Variants in ZNF219 observed in about 807,000 individuals in gnomAD.
ZNF219 encodes zinc finger protein 219.
In ZNF219, 17 loss-of-function variants were observed where a neutral mutation model predicts 54.4. That is an observed-to-expected ratio of 0.31 (90% confidence interval 0.21 to 0.47). The LOEUF (loss-of-function observed/expected upper bound fraction) is 0.47. Ranked by LOEUF, ZNF219 falls within the 20% of genes least tolerant of loss-of-function variation. The pLI, the probability that ZNF219 is intolerant of heterozygous loss-of-function variation, is 1.00. For synonymous variants in ZNF219, 518 were observed against 476.4 expected (o/e 1.09, Z -1.14); for missense variants, 1,014 against 1,062.3 (o/e 0.95, Z 0.63).
At chr14:21,101,707 T>A, upstream of ZNF219, 1 of 676,632 alleles carries the variant, frequency 1.5e-6, no homozygotes. Context: ...AAAAATTAAA[T>A]GATACTTAAT....
rs757820167 is a variant in ZNF219, at chr14:21,091,980, G to C, written c.1317C>G (p.Thr439=). The part of the protein sequence containing the change: ...EEEVVEAEEE[T]WARGRSLGSL... ...AGCCCAGCGACCTGCCCCGGGCCCA[G>C]GTTTCCTCCTCGGCCTCCACCACCT... Residue 439 remains threonine, a synonymous_variant, in exon 3 of 5, where the codon ACC becomes ACG. Coordinates refer to ENST00000360947, the MANE Select transcript of ZNF219 (RefSeq NM_016423.3). 1.9e-6 allele frequency: 3 copies of C among 1,570,880 alleles called. No homozygotes were observed. The highest frequency in any genetic ancestry group is 4.7e-5 in the East Asian group (2 of 42,576).
rs369882655 is a variant in ZNF219 at position 21,093,594 on chromosome 14, A to G, written c.-3T>C. The G allele has an allele frequency of 6.2e-7, 1 of 1,613,852 alleles. No individual in the cohort carries two copies. Among genetic ancestry groups the G allele is most frequent in the African/African-American group, 1.3e-5 (1 of 74,830 alleles). ...GCCAGAGCTTCACTCACCTCCATGG[A>G]CCCCCTTCACATTCTTTGGTTCTGG... is the stretch of plus-strand genomic sequence containing the variant. On this transcript the variant is annotated 5_prime_UTR_variant, in exon 2 of 5. Coordinates refer to ENST00000360947, the MANE Select transcript of ZNF219 (RefSeq NM_016423.3).
At position 21,093,316 on chromosome 14, in the gene ZNF219, A is replaced by G. The variant is rs768936619; in HGVS notation, c.7-26T>C. On this transcript the variant is annotated intron_variant, in intron 2 of 4. Coordinates refer to ENST00000360947, the MANE Select transcript of ZNF219 (RefSeq NM_016423.3). The stretch of plus-strand genomic sequence containing the variant: ...CTGTGGAGAAAGATCTGCGTAGAGC[A>G]AAGGGTGAAGGTAGAGCTGTAAAGG... The G allele has an allele frequency of 2.0e-4, 316 of 1,550,272 alleles. No individual in the cohort carries two copies. In the Middle Eastern group the frequency reaches 5.2e-3, roughly 25 times the overall value.
At position 21,092,486 on chromosome 14, in the gene ZNF219, G is replaced by C; in HGVS notation, c.811C>G (p.Pro271Ala). Residue 271 changes from proline to alanine, a missense_variant, in exon 3 of 5, where the codon CCT (proline) becomes GCT (alanine). Physicochemically the swap from Pro to Ala is conservative, Grantham distance 27. Transcript: ENST00000360947. Reference protein sequence around the residue: ...APAAPEEPPAPPEFRCQVCGQ... With the variant: ...APAAPEEPPAAPEFRCQVCGQ... ...CACACTTGGCAGCGGAACTCCGGAG[G>C]CGCTGGGGGCTCCTCGGGAGCGGCA... The C allele has an allele frequency of 6.4e-7, 1 of 1,553,130 alleles. No homozygotes were observed. The highest frequency in any genetic ancestry group is 2.4e-5 in the East Asian group (1 of 41,082).
chr14:21,103,124 GTC>G (rs1267686927), upstream of ZNF219: 1 of 1,551,700 alleles, frequency 6.4e-7, no homozygotes, highest in Non-Finnish European at 8.7e-7. Flanking sequence ...GCTCACACCT[GTC>G]TCTGGTTTTC....
chr14:21,090,864 C>T lies in ZNF219; in HGVS notation c.1841G>A (p.Arg614Lys), dbSNP rs1187726203. The change falls in exon 5 of 5, where the codon AGG becomes AAG. Residue 614 changes from arginine to lysine, a missense_variant. Physicochemically the swap from Arg to Lys is conservative, Grantham distance 26. Coordinates refer to ENST00000360947, the MANE Select transcript of ZNF219 (RefSeq NM_016423.3). The surrounding 1 kb of genome is among the most constrained non-coding windows in gnomAD (Gnocchi z 4.4). Reference sequence around the variant, plus strand: ...ACCGCCTCGCCCGTTGCGCAGGGTCCTCCCAGGGCTGGCGGGCTTCCGACG... The same window carrying T: ...ACCGCCTCGCCCGTTGCGCAGGGTCTTCCCAGGGCTGGCGGGCTTCCGACG... ...GSRRKPASPG[R>K]TLRNGRGGEA... The T allele has an allele frequency of 2.6e-6, 4 of 1,554,212 alleles. No individual in the cohort carries two copies. Among genetic ancestry groups the T allele is most frequent in the Non-Finnish European group, 3.5e-6 (4 of 1,150,480 alleles).
intron 1 of ZNF219, among the ~76,000 whole-genome samples, chr14:21,096,594 C>G (rs1206957212): frequency 6.6e-6 from 1 of 152,238 alleles, no homozygotes; most frequent in Non-Finnish European, 1.5e-5. Flanking sequence ...GACAGCAGCA[C>G]TGACCTACTT....
chr14:21,090,510 C>T lies in ZNF219; in HGVS notation c.*26G>A. ...CCCCCGCTCCGGCGGGGTAAGCTCA[C>T]TAAGCTAATCGCCCCTGAGGGCCCA... On this transcript the variant is annotated 3_prime_UTR_variant, in exon 5 of 5. Coordinates refer to ENST00000360947, the MANE Select transcript of ZNF219 (RefSeq NM_016423.3). The surrounding 1 kb of genome is among the most constrained non-coding windows in gnomAD (Gnocchi z 4.4). 1 of 1,566,032 alleles carries T rather than the reference C, an allele frequency of 6.4e-7. No homozygotes were observed.
intron 1 of ZNF219, chr14:21,093,930 TACC>T: frequency 2.3e-6 from 1 of 430,272 alleles, no homozygotes. Context: ...CAACCACAGC[TACC>T]ACCCCACCCC....
intron 1 of ZNF219, among the ~76,000 whole-genome samples, chr14:21,098,087 A>C (rs1483236349): frequency 3.1e-5 from 3 of 95,886 alleles, no homozygotes; most frequent in African/African-American, 8.0e-5. Context: ...GGGGCCCCCC[A>C]GCTCTCCAGG....
chr14:21,090,210 T>G lies in ZNF219; in HGVS notation c.*326A>C. The G allele has an allele frequency of 3.5e-6, 2 of 563,410 alleles. No individual in the cohort carries two copies. The highest frequency in any genetic ancestry group is 6.8e-6 in the Non-Finnish European group (2 of 295,622). 34.9% of individuals were successfully genotyped at this position (563,410 alleles called of 1,614,324 possible). A position where few individuals can be genotyped will look rare whatever the true frequency, so the allele number is the denominator to read the frequency against. ...GTACAGTGCCCCCCACCCTCACCCC[T>G]TGTACAAAAATAAACTCTCACGCCT... On this transcript the variant is annotated 3_prime_UTR_variant, in exon 5 of 5. Coordinates refer to ENST00000360947, the MANE Select transcript of ZNF219 (RefSeq NM_016423.3). This position sits in a 1 kb window ranked among gnomAD's most constrained non-coding sequence, Gnocchi z 4.4.
At position 21,090,870 on chromosome 14, in the gene ZNF219, G is replaced by C. The variant is rs1020369379; in HGVS notation, c.1835C>G (p.Pro612Arg). 5 of 1,552,302 alleles carry C rather than the reference G, an allele frequency of 3.2e-6. No individual in the cohort carries two copies. Among genetic ancestry groups the C allele is most frequent in the African/African-American group, 2.7e-5 (2 of 73,458 alleles). Residue 612 changes from proline to arginine, a missense_variant, in exon 5 of 5, where the codon CCT (proline) becomes CGT (arginine). Around this residue, in one of 5 missense-constraint regions of ZNF219, gnomAD observed 281 missense variants for 271.2 expected, o/e 1.04. Coordinates refer to ENST00000360947, the MANE Select transcript of ZNF219 (RefSeq NM_016423.3). The surrounding 1 kb of genome is among the most constrained non-coding windows in gnomAD (Gnocchi z 4.4). ...TCGCCCGTTGCGCAGGGTCCTCCCA[G>C]GGCTGGCGGGCTTCCGACGGGACCC... ...GPGSRRKPASPGRTLRNGRGG... is the reference protein window; with the variant it reads ...GPGSRRKPASRGRTLRNGRGG...
intron 1 of ZNF219, among the ~76,000 whole-genome samples, chr14:21,096,273 A>G (rs923249298): frequency 4.6e-5 from 7 of 152,216 alleles, no homozygotes; most frequent in Non-Finnish European, 1.0e-4. Flanking sequence ...ACAGAAATAG[A>G]GTGATATACA....
upstream of ZNF219, chr14:21,102,172 C>A: frequency 6.6e-7 from 1 of 1,517,844 alleles, no homozygotes; most frequent in Non-Finnish European, 8.9e-7. Context: ...AAACAGACAC[C>A]TACAACCCTC....
In ZNF219 at chr14:21,093,245, G is replaced by A; in HGVS notation, c.52C>T (p.Pro18Ser). 6.3e-7 allele frequency: 1 copy of A among 1,599,340 alleles called. No individual in the cohort carries two copies. Among genetic ancestry groups the A allele is most frequent in the Non-Finnish European group, 8.5e-7 (1 of 1,178,642 alleles). ...APSGHLAPSP[P>S]AFDGELDLQR... ...AGATCCAGCTCGCCGTCGAAAGCCG[G>A]CGGCGACGGCGCTAAGTGGCCGCTC... Residue 18 changes from proline (P) to serine (S), a missense_variant, in exon 3 of 5, where the codon CCG (proline) becomes TCG (serine). By Grantham distance (74) the Pro-to-Ser change is moderately conservative. Coordinates refer to ENST00000360947, the MANE Select transcript of ZNF219 (RefSeq NM_016423.3).
Position 21,092,235 on chromosome 14 carries a change from A to G in ZNF219, c.1062T>C (p.Tyr354=), listed in dbSNP as rs1232928026. 1.0e-5 allele frequency: 15 copies of G among 1,453,810 alleles called. No individual in the cohort carries two copies. Among genetic ancestry groups the G allele is most frequent in the Non-Finnish European group, 1.2e-5 (13 of 1,108,382 alleles). 90.1% of individuals were successfully genotyped at this position (1,453,810 alleles called of 1,614,324 possible). A position where few individuals can be genotyped will look rare whatever the true frequency, so the allele number is the denominator to read the frequency against. The change falls in exon 3 of 5, where the codon TAT becomes TAC. Residue 354 remains tyrosine (Y), a synonymous_variant. Transcript: ENST00000360947. Reference sequence around the variant, plus strand: ...AGAGGAGCGCTGGGCCCAACGGCTCATAGGCCAGCAGGCCGAGGTCAGGAG... The same window carrying G: ...AGAGGAGCGCTGGGCCCAACGGCTCGTAGGCCAGCAGGCCGAGGTCAGGAG... ...PQPPDLGLLA[Y]EPLGPALLLA...
upstream of ZNF219, among the ~76,000 whole-genome samples, chr14:21,099,456 T>C (rs1889504820): frequency 6.6e-6 from 1 of 152,170 alleles, no homozygotes; most frequent in African/African-American, 2.4e-5. Flanking sequence ...AGCAGTTTTC[T>C]GGATCTCTTT....
chr14:21,094,209 CAG>C (rs771619988), intron 1 of ZNF219, among the ~76,000 whole-genome samples: 28 of 152,254 alleles, frequency 1.8e-4, no homozygotes, highest in Non-Finnish European at 3.8e-4. Flanking sequence ...CCATTCATTA[CAG>C]AGACTCATTC....
chr14:21,094,823 G>A (rs1054830466), intron 1 of ZNF219, among the ~76,000 whole-genome samples: 3 of 148,708 alleles, frequency 2.0e-5, no homozygotes, highest in South Asian at 2.1e-4. Context: ...ACAGACCTGG[G>A]AGGATGACCA....
Sources: allele counts gnomAD v4.1 joint callset (sites outside exome capture counted in the v4.1 genomes callset), GRCh38; gene constraint gnomAD v4.1.1; regional missense constraint gnomAD v4.1.1; non-coding constraint Gnocchi (gnomAD v3.1); transcripts MANE v1.5; gene names NCBI Gene and HGNC (gene_info 2026-07-23, HGNC 2026-07-21).